The following GGT1 variants were observed in gnomAD, a reference collection of about 807,000 sequenced individuals.
GGT1 encodes the protein glutathione hydrolase 1 proenzyme.
Under a neutral mutation model 56.0 loss-of-function variants are expected in GGT1, and 21 were observed. The ratio of observed to expected loss-of-function variants is 0.38; its 90% CI spans 0.27 to 0.54. The LOEUF (loss-of-function observed/expected upper bound fraction) is 0.54. Ranked by LOEUF, GGT1 falls within the 20% of genes least tolerant of loss-of-function variation. The pLI is 0.82. For missense variants in GGT1, 466 were observed against 787.0 expected (o/e 0.59, Z 4.88); for synonymous variants, 238 against 342.6 (o/e 0.69, Z 3.37).
the GGT1 span, chr22:24,588,268 G>T: frequency 6.2e-7 from 1 of 1,613,654 alleles, no homozygotes; most frequent in East Asian, 2.2e-5. Context: ...CTTCGAGTGA[G>T]GGGTGAGGTG....
upstream of GGT1, chr22:24,589,913 G>C: frequency 3.1e-6 from 5 of 1,611,882 alleles, no homozygotes; most frequent in Non-Finnish European, 4.2e-6. Flanking sequence ...TCTCTGTAGA[G>C]GATATCAGGA....
the GGT1 span, chr22:24,588,394 A>G: frequency 7.9e-7 from 1 of 1,265,240 alleles, no homozygotes. Flanking sequence ...GGCCTTGGGG[A>G]GAGGGACCCA....
chr22:24,607,291 G>A (rs3876101), intron 1 of GGT1, among the ~76,000 whole-genome samples: 54,831 of 150,198 alleles, frequency 0.37, 9,748 homozygotes, highest in Middle Eastern at 0.48. Context: ...GGCCCCTTAG[G>A]CTGGGTTCTG....
At chr22:24,606,665 TGAG>T (rs1315443729) in intron 1 of GGT1, among the ~76,000 whole-genome samples, 1 of 152,110 alleles carries the variant, frequency 6.6e-6, no homozygotes, top group Non-Finnish European at 1.5e-5. Context: ...CTAGGGCTAT[TGAG>T]GATCTCACAG....
At chr22:24,612,460 C>T (rs796591652) in intron 5 of GGT1, among the ~76,000 whole-genome samples, 1 of 125,526 alleles carries the variant, frequency 8.0e-6, no homozygotes, top group African/African-American at 3.0e-5. Flanking sequence ...ATCCCTCCCC[C>T]CTCCCCCCAA....
At chr22:24,590,561 A>G (rs1480635145), upstream of GGT1, among the ~76,000 whole-genome samples, 10 of 151,890 alleles carry the variant, frequency 6.6e-5, no homozygotes, top group African/African-American at 2.4e-4. Context: ...TGTCAGTGGG[A>G]TTCTTTGGGG....
chr22:24,600,841 C>T (rs528074241), upstream of GGT1, among the ~76,000 whole-genome samples: 8 of 152,334 alleles, frequency 5.3e-5, no homozygotes, highest in South Asian at 1.7e-3. Flanking sequence ...GGCCCACCTG[C>T]AGCAGGTGTT....
chr22:24,610,138 C>T, intron 3 of GGT1, 105 bp downstream of exon 3: 1 of 399,362 alleles, frequency 2.5e-6, no homozygotes, highest in Non-Finnish European at 5.2e-6. Flanking sequence ...CAGGAATGCC[C>T]TGTCCCCTAC....
intron 12 of GGT1, 80 bp from the exon 13 acceptor site, chr22:24,627,772 A>C: frequency 6.4e-7 from 1 of 1,556,588 alleles, no homozygotes; most frequent in Non-Finnish European, 8.7e-7. Flanking sequence ...CTCAGTGAGT[A>C]TGTTTGAGCC....
At chr22:24,619,092 A>C (rs1033518607) in intron 7 of GGT1, among the ~76,000 whole-genome samples, 14 of 152,138 alleles carry the variant, frequency 9.2e-5, no homozygotes, top group Admixed American at 9.2e-4. Flanking sequence ...CCCTGTCTCT[A>C]CAAAAAATAA....
At chr22:24,602,862 G>A (rs370705251), upstream of GGT1, among the ~76,000 whole-genome samples, 4 of 152,170 alleles carry the variant, frequency 2.6e-5, no homozygotes, top group South Asian at 2.1e-4. Flanking sequence ...CCCTCCTGGC[G>A]TGGGCATCTG....
intron 7 of GGT1, among the ~76,000 whole-genome samples, chr22:24,617,444 C>A (rs185902450): frequency 3.6e-4 from 55 of 152,148 alleles, no homozygotes; most frequent in African/African-American, 1.3e-3. Context: ...GTGTAAGGGG[C>A]AGGGAGCATG....
Position 24,605,042 on chromosome 22 carries a change from TGTA to T in GGT1, c.-429+1516_-429+1518del, listed in dbSNP as rs1158690250. Among the ~76,000 whole-genome samples, 12 of 70,890 alleles carry T rather than the reference TGTA, an allele frequency of 1.7e-4. 1 individual carries two copies. The highest frequency in any genetic ancestry group is 4.2e-4 in the African/African-American group (5 of 11,842). The allele number at this position is 70,890 out of a possible 152,430, so 46.5% of individuals were successfully genotyped here. A position where few individuals can be genotyped will look rare whatever the true frequency, so the allele number is the denominator to read the frequency against. Reference sequence around the variant, plus strand: ...GTATGTCATATATATATATAAAATATGTAATATATTATATATTATATGTAATAT... The same window carrying T: ...GTATGTCATATATATATATAAAATATATATATTATATATTATATGTAATAT... On this transcript the variant is annotated intron_variant, in intron 1 of 15. Transcript: ENST00000400382.
At chr22:24,586,470 A>C in the GGT1 span, 1 of 1,524,352 alleles carries the variant, frequency 6.6e-7, no homozygotes, top group Non-Finnish European at 8.9e-7. Context: ...CCCACTGACC[A>C]CAGACAGTGA....
Position 24,610,328 on chromosome 22 carries a change from G to C in GGT1, c.-211G>C. 1 of 259,072 alleles carries C rather than the reference G, an allele frequency of 3.9e-6. No individual in the cohort carries two copies. The highest frequency in any genetic ancestry group is 7.8e-6 in the Non-Finnish European group (1 of 129,000). The allele number at this position is 259,072 out of a possible 1,614,324, so 16.0% of individuals were successfully genotyped here. On this transcript the variant is annotated 5_prime_UTR_variant, in exon 4 of 16. Coordinates refer to ENST00000400382, the MANE Select transcript of GGT1 (RefSeq NM_001288833.2). ...TCCCCCAGAAAGGTCTGGGCTGCGCGTGCTTCAGGTAACCTCCCTTGACCT... is the reference window on the plus strand; with the variant it reads ...TCCCCCAGAAAGGTCTGGGCTGCGCCTGCTTCAGGTAACCTCCCTTGACCT...
At position 24,614,780 on chromosome 22, in the gene GGT1, G is replaced by T. The variant is rs4049882; in HGVS notation, c.169G>T (p.Ala57Ser). The T allele has an allele frequency of 2.5e-6, 4 of 1,613,620 alleles. No homozygotes were observed. Among genetic ancestry groups the T allele is most frequent in the Non-Finnish European group, 2.5e-6 (3 of 1,179,768 alleles). The change falls in exon 6 of 16, where the codon GCA becomes TCA. Residue 57 changes from alanine to serine, a missense_variant. Ala to Ser is a moderately conservative substitution (Grantham distance 99). This residue lies in a region of GGT1 where 456 missense variants were observed against 716.7 expected (regional missense o/e 0.64). Coordinates refer to ENST00000400382, the MANE Select transcript of GGT1 (RefSeq NM_001288833.2). ...AKQCSKIGRDALRDGGSAVDA... is the reference protein window; with the variant it reads ...AKQCSKIGRDSLRDGGSAVDA... ...CCTTTATGTGCCACATGGCAGGGAT[G>T]CACTGCGGGACGGTGGCTCTGCGGT...
chr22:24,614,671 T>G, intron 5 of GGT1, 105 bp from the exon 6 acceptor site: 1 of 965,562 alleles, frequency 1.0e-6, no homozygotes. Flanking sequence ...AAAACTCGAA[T>G]GGACTTCTCT....
At chr22:24,617,104 G>A (rs2047120859) in intron 7 of GGT1, among the ~76,000 whole-genome samples, 1 of 152,214 alleles carries the variant, frequency 6.6e-6, no homozygotes, top group Admixed American at 6.5e-5. Flanking sequence ...TGTGTTACGG[G>A]CTGTAGAAAA....
rs1226475542 is a variant in GGT1 at position 24,628,985 on chromosome 22, C to T, written c.*146C>T. 13 of 1,190,106 alleles carry T rather than the reference C, an allele frequency of 1.1e-5. No homozygotes were observed. Among genetic ancestry groups the T allele is most frequent in the Admixed American group, 2.3e-5 (1 of 44,060 alleles). 73.7% of individuals were successfully genotyped at this position (1,190,106 alleles called of 1,614,324 possible). On this transcript the variant is annotated 3_prime_UTR_variant, in exon 16 of 16. Coordinates refer to ENST00000400382, the MANE Select transcript of GGT1 (RefSeq NM_001288833.2). The surrounding 1 kb of genome is among the most constrained non-coding windows in gnomAD (Gnocchi z 5.7). Reference sequence around the variant, plus strand: ...CACTGTGCCAGGCTCCAGGTGGCCTCCCTGGCCTGTCTCCCCACTCTCTGG... The same window carrying T: ...CACTGTGCCAGGCTCCAGGTGGCCTTCCTGGCCTGTCTCCCCACTCTCTGG...
Sources: gnomAD v4.1 joint callset for allele counts (sites outside exome capture counted in the v4.1 genomes callset) on GRCh38, gnomAD v4.1.1 for gene constraint, gnomAD v4.1.1 regional missense constraint, Gnocchi (gnomAD v3.1) non-coding constraint, MANE v1.5 for transcripts, NCBI Gene and HGNC (gene_info 2026-07-23, HGNC 2026-07-21) for gene names.